RGS6: variants seen among roughly 807,000 people sequenced by gnomAD.
The protein encoded by RGS6 is regulator of G protein signaling 6, also known as regulator of G-protein signaling 6.
A neutral mutation model predicts 78.5 loss-of-function variants in RGS6; 30 were observed. The observed-to-expected ratio is 0.38, with a 90% confidence interval of 0.29 to 0.52. The LOEUF (loss-of-function observed/expected upper bound fraction) is 0.52, where lower values mean the gene tolerates loss of function less well. RGS6 is among the 20% of genes least tolerant of loss of function. The pLI is 0.85. For missense variants in RGS6, 495 were observed against 609.7 expected (o/e 0.81, Z 1.98); for synonymous variants, 206 against 206.0 (o/e 1.00, Z 0.00).
chr14:72,100,962 C>T (rs766779608), intron 2 of RGS6, among the ~76,000 whole-genome samples: 1 of 152,120 alleles, frequency 6.6e-6, no homozygotes, highest in Admixed American at 6.5e-5. Context: ...AGTTCAAGAC[C>T]AGCCTGGGCA....
chr14:72,558,212 T>C (rs533994790), intron 17 of RGS6, among the ~76,000 whole-genome samples: 45 of 152,318 alleles, frequency 3.0e-4, no homozygotes, highest in African/African-American at 1.0e-3. Context: ...TTTGGCAGAC[T>C]TGAGATCTGT....
chr14:72,307,589 T>C (rs2067551961), intron 2 of RGS6, among the ~76,000 whole-genome samples: 1 of 152,178 alleles, frequency 6.6e-6, no homozygotes, highest in Non-Finnish European at 1.5e-5. Flanking sequence ...CTGATCTGTG[T>C]TCTGTTCCAT....
At chr14:71,943,337 G>C (rs972483927) in intron 1 of RGS6, among the ~76,000 whole-genome samples, 16 of 152,082 alleles carry the variant, frequency 1.1e-4, no homozygotes, top group Non-Finnish European at 2.1e-4. Flanking sequence ...TGAAGTATGG[G>C]GCATAGAAAG....
At chr14:72,589,945 C>G in the RGS6 span, among the ~76,000 whole-genome samples, 8 of 152,108 alleles carry the variant, frequency 5.3e-5, no homozygotes, top group Admixed American at 1.3e-4. Context: ...AATCTTACAA[C>G]TAAATAAGAG....
intron 2 of RGS6, among the ~76,000 whole-genome samples, chr14:72,144,775 C>T (rs1463110192): frequency 6.7e-6 from 1 of 148,520 alleles, no homozygotes; most frequent in Non-Finnish European, 1.5e-5. Flanking sequence ...AGCGGTATAA[C>T]CACCCAGTGG....
At chr14:72,314,695 A>G (rs1407494572) in intron 2 of RGS6, among the ~76,000 whole-genome samples, 1 of 152,218 alleles carries the variant, frequency 6.6e-6, no homozygotes, top group African/African-American at 2.4e-5. Context: ...TTTTAAAAAT[A>G]CTTTCAGCAA....
intron 6 of RGS6, among the ~76,000 whole-genome samples, 186 bp from the exon 7 acceptor site, chr14:72,465,559 TGGATGGATGGATG>T (rs2095879383): frequency 9.3e-6 from 1 of 107,096 alleles, no homozygotes; most frequent in Non-Finnish European, 2.0e-5. Flanking sequence ...TCTGGATGGA[TGGATGGATGGATG>T]GATGGATGGA....
chr14:72,371,005 A>C (rs1237695624), intron 3 of RGS6, among the ~76,000 whole-genome samples: 1 of 152,210 alleles, frequency 6.6e-6, no homozygotes, highest in Non-Finnish European at 1.5e-5. Context: ...GTTTATTTCC[A>C]AAGAGCATTT....
chr14:72,091,668 C>T (rs980935721), intron 2 of RGS6, among the ~76,000 whole-genome samples: 12 of 152,108 alleles, frequency 7.9e-5, no homozygotes, highest in African/African-American at 2.7e-4. Context: ...ATGAAAATGG[C>T]CTAAGTAAGC....
intron 2 of RGS6, among the ~76,000 whole-genome samples, chr14:72,224,552 A>G (rs914472025): frequency 6.6e-6 from 1 of 151,996 alleles, no homozygotes; most frequent in African/African-American, 2.4e-5. Flanking sequence ...TACATAAAAT[A>G]ATTTTAGTAC....
intron 2 of RGS6, among the ~76,000 whole-genome samples, chr14:72,008,080 G>A (rs968491964): frequency 6.6e-6 from 1 of 152,116 alleles, no homozygotes; most frequent in Non-Finnish European, 1.5e-5. Flanking sequence ...AATATTCCTA[G>A]GCCTTAATTA....
chr14:71,946,314 A>T (rs1432699216), intron 1 of RGS6, among the ~76,000 whole-genome samples: 1 of 151,964 alleles, frequency 6.6e-6, no homozygotes, highest in Non-Finnish European at 1.5e-5. Context: ...ACTGAAAGAG[A>T]GTGTGTACCT....
At chr14:72,435,786 C>T (rs2094880563) in intron 3 of RGS6, among the ~76,000 whole-genome samples, 2 of 136,260 alleles carry the variant, frequency 1.5e-5, no homozygotes, top group African/African-American at 5.3e-5. Context: ...GTTATCACAT[C>T]TCCTCTCTCT....
intron 9 of RGS6, among the ~76,000 whole-genome samples, chr14:72,473,206 G>A (rs1386606019): frequency 1.3e-5 from 2 of 152,250 alleles, no homozygotes; most frequent in African/African-American, 4.8e-5. Flanking sequence ...CGCTTTGGGA[G>A]GCCGAGGTGG....
the RGS6 span, among the ~76,000 whole-genome samples, chr14:72,574,973 C>T: frequency 6.6e-6 from 1 of 152,030 alleles, no homozygotes; most frequent in Non-Finnish European, 1.5e-5. Flanking sequence ...CCCCTGGTGA[C>T]TCAATGAATA....
chr14:72,240,364 G>A (rs578262705), intron 2 of RGS6, among the ~76,000 whole-genome samples: 1 of 152,306 alleles, frequency 6.6e-6, no homozygotes, highest in African/African-American at 2.4e-5. Flanking sequence ...ATGTTTAAAT[G>A]TAGCTCTGAT....
chr14:72,533,194 T>G (rs1481183191), intron 15 of RGS6, among the ~76,000 whole-genome samples: 1 of 152,246 alleles, frequency 6.6e-6, no homozygotes, highest in East Asian at 1.9e-4. Flanking sequence ...CCTTCAAGAA[T>G]GATGCTAAAT....
In RGS6 at chr14:72,478,343, T is replaced by C. The variant is rs1160216873; in HGVS notation, c.854+14T>C. 6.5e-7 allele frequency: 1 copy of C among 1,544,508 alleles called. No homozygotes were observed. ...AGTGGCTGAAAGGTATGTTTTCCTT[T>C]AATAATATTACTACTTTCTTCTAAT... On this transcript the variant is annotated intron_variant, in intron 12 of 17. Transcript: ENST00000553525.
chr14:72,050,807 T>C (rs551183681), intron 2 of RGS6, among the ~76,000 whole-genome samples: 1 of 152,312 alleles, frequency 6.6e-6, no homozygotes, highest in African/African-American at 2.4e-5. Flanking sequence ...TAGGGAGGGC[T>C]GACTTTGCGC....
Sources: gnomAD v4.1 joint callset for allele counts (sites outside exome capture counted in the v4.1 genomes callset) on GRCh38, gnomAD v4.1.1 for gene constraint, MANE v1.5 for transcripts, NCBI Gene and HGNC (gene_info 2026-07-23, HGNC 2026-07-21) for gene names.